The following CPEB1 variants were observed in gnomAD, a reference collection of about 807,000 sequenced individuals.
CPEB1 encodes cytoplasmic polyadenylation element binding protein 1.
In CPEB1, 7 loss-of-function variants were observed where a neutral mutation model predicts 65.8. That is an observed-to-expected ratio of 0.11 (90% CI 0.06 to 0.20). The LOEUF (loss-of-function observed/expected upper bound fraction) is 0.20, where lower values mean the gene tolerates loss of function less well. Ranked by LOEUF, CPEB1 falls within the 10% of genes least tolerant of loss-of-function variation. CPEB1 has a pLI of 1.00. For synonymous variants in CPEB1, 262 were observed against 260.0 expected (o/e 1.01, Z -0.08); for missense variants, 551 against 712.2 (o/e 0.77, Z 2.58).
At chr15:82,580,399 A>C (rs2041164179) in intron 3 of CPEB1, among the ~76,000 whole-genome samples, 1 of 152,146 alleles carries the variant, frequency 6.6e-6, no homozygotes, top group African/African-American at 2.4e-5. Context: ...TAAATATTTT[A>C]AAATAGATAA....
At chr15:82,636,236 C>G (rs947094709) in intron 1 of CPEB1, among the ~76,000 whole-genome samples, 1 of 152,172 alleles carries the variant, frequency 6.6e-6, no homozygotes, top group African/African-American at 2.4e-5. Context: ...TGTTCATCCT[C>G]TCAATCCACA....
At chr15:82,579,620 C>T (rs2041031706) in intron 3 of CPEB1, among the ~76,000 whole-genome samples, 1 of 151,980 alleles carries the variant, frequency 6.6e-6, no homozygotes, top group South Asian at 2.1e-4. Flanking sequence ...CAACAAAAGA[C>T]TCTCAAGCAC....
chr15:82,622,062 C>T (rs1456500566), intron 3 of CPEB1, among the ~76,000 whole-genome samples: 1 of 152,230 alleles, frequency 6.6e-6, no homozygotes, highest in East Asian at 1.9e-4. Context: ...AACAACTCAA[C>T]ACATTAATGC....
At chr15:82,554,121 T>A in intron 6 of CPEB1, 130 bp from the exon 7 acceptor site, 1 of 563,162 alleles carries the variant, frequency 1.8e-6, no homozygotes, top group Non-Finnish European at 3.1e-6. Flanking sequence ...TGAGAGAATA[T>A]CCATGATTAT....
At chr15:82,625,443 T>C (rs183823336) in intron 3 of CPEB1, among the ~76,000 whole-genome samples, 1 of 152,294 alleles carries the variant, frequency 6.6e-6, no homozygotes, top group African/African-American at 2.4e-5. Flanking sequence ...GTGGGAATTA[T>C]TTCTAACGCC....
At position 82,544,530 on chromosome 15, in the gene CPEB1, C is replaced by G; in HGVS notation, c.*62G>C. 7.8e-7 allele frequency: 1 copy of G among 1,285,562 alleles called. No individual in the cohort carries two copies. The highest frequency in any genetic ancestry group is 1.1e-6 in the Non-Finnish European group (1 of 901,414). 79.6% of individuals were successfully genotyped at this position (1,285,562 alleles called of 1,614,324 possible). A position where few individuals can be genotyped will look rare whatever the true frequency, so the allele number is the denominator to read the frequency against. On this transcript the variant is annotated 3_prime_UTR_variant, in exon 13 of 13. Coordinates refer to ENST00000684509, the MANE Select transcript of CPEB1 (RefSeq NM_001365242.1). ...CCTGGTCGCCAGTGGCAGGGTGGTG[C>G]AGGCTGCTTGCCTGACCTGCCAGCT...
chr15:82,589,113 C>T (rs1392677802), intron 3 of CPEB1, among the ~76,000 whole-genome samples: 6 of 152,220 alleles, frequency 3.9e-5, no homozygotes, highest in Admixed American at 6.5e-5. Context: ...AGCCAACACA[C>T]TTCTCACCTG....
intron 4 of CPEB1, among the ~76,000 whole-genome samples, chr15:82,561,348 C>G (rs1360587026): frequency 1.3e-5 from 2 of 152,104 alleles, no homozygotes; most frequent in Non-Finnish European, 2.9e-5. Flanking sequence ...TCAGCTAAAG[C>G]AGAAAATGGG....
chr15:82,556,127 G>C lies in CPEB1; in HGVS notation c.688-5C>G. ...TGGAGAAATGCGAAGGCTTGACTAG[G>C]GGAGGAAAAAGGAAGACAGGGTTTT... is the stretch of plus-strand genomic sequence containing the variant. On this transcript the variant is annotated splice_polypyrimidine_tract_variant and splice_region_variant and intron_variant, in intron 5 of 12. Coordinates refer to ENST00000684509, the MANE Select transcript of CPEB1 (RefSeq NM_001365242.1). 1 of 1,588,816 alleles carries C rather than the reference G, an allele frequency of 6.3e-7. No homozygotes were observed. Among genetic ancestry groups the C allele is most frequent in the Non-Finnish European group, 8.5e-7 (1 of 1,172,306 alleles).
intron 3 of CPEB1, among the ~76,000 whole-genome samples, chr15:82,591,585 G>A (rs986917831): frequency 3.3e-5 from 5 of 151,914 alleles, no homozygotes; most frequent in African/African-American, 1.2e-4. Context: ...TCTCTCCAAT[G>A]ATCAGTTATA....
At chr15:82,602,823 C>T (rs527550908) in intron 3 of CPEB1, among the ~76,000 whole-genome samples, 2 of 152,064 alleles carry the variant, frequency 1.3e-5, no homozygotes, top group East Asian at 1.9e-4. Context: ...CCAGCCTGGG[C>T]GACAGAGCAA....
At chr15:82,598,127 C>T (rs2042803573) in intron 3 of CPEB1, among the ~76,000 whole-genome samples, 2 of 152,190 alleles carry the variant, frequency 1.3e-5, no homozygotes, top group South Asian at 2.1e-4. Context: ...TGAGAGCAGG[C>T]TAGCATAAAC....
rs202176251 is a variant in CPEB1 at position 82,552,462 on chromosome 15, G to A, written c.1281+18C>T. ...ATTCCAAGACCCTCGATCCAGAAAG[G>A]ACATCACGCTAACTCACCTCCTTGC... On this transcript the variant is annotated intron_variant, in intron 9 of 12. Transcript: ENST00000684509. 1.2e-5 allele frequency: 18 copies of A among 1,537,306 alleles called. No individual in the cohort carries two copies. The East Asian group carries it at 2.6e-4, about 22-fold the overall frequency.
chr15:82,643,944 CA>C (rs2151392946), intron 1 of CPEB1, among the ~76,000 whole-genome samples: 1 of 152,282 alleles, frequency 6.6e-6, no homozygotes, highest in African/African-American at 2.4e-5. Context: ...GGTCTTAAAA[CA>C]ATTATATAAT....
At chr15:82,616,320 G>A (rs2044703270) in intron 3 of CPEB1, among the ~76,000 whole-genome samples, 1 of 151,908 alleles carries the variant, frequency 6.6e-6, no homozygotes, top group Non-Finnish European at 1.5e-5. Context: ...CGATGTTTAT[G>A]GACATACACA....
chr15:82,633,726 G>A (rs1033223946), intron 1 of CPEB1, among the ~76,000 whole-genome samples: 2 of 152,134 alleles, frequency 1.3e-5, no homozygotes, highest in African/African-American at 4.8e-5. Flanking sequence ...CAATAGATAA[G>A]AGCTGACACT....
intron 3 of CPEB1, among the ~76,000 whole-genome samples, chr15:82,587,265 C>T (rs1490992876): frequency 6.6e-6 from 1 of 152,122 alleles, no homozygotes; most frequent in African/African-American, 2.4e-5. Context: ...GTATCTCCAT[C>T]GAGAATTTAA....
At chr15:82,588,347 C>T (rs1283289889) in intron 3 of CPEB1, among the ~76,000 whole-genome samples, 1 of 152,120 alleles carries the variant, frequency 6.6e-6, no homozygotes, top group East Asian at 1.9e-4. Context: ...ATTATCTCCA[C>T]CTAATTCCCT....
chr15:82,583,208 A>G (rs897555710), intron 3 of CPEB1, among the ~76,000 whole-genome samples: 14 of 152,222 alleles, frequency 9.2e-5, no homozygotes, highest in African/African-American at 3.1e-4. Flanking sequence ...ATTCAAGGCT[A>G]GCATCATCCA....
Sources: gnomAD v4.1 joint callset for allele counts (sites outside exome capture counted in the v4.1 genomes callset) on GRCh38, gnomAD v4.1.1 for gene constraint, MANE v1.5 for transcripts, NCBI Gene and HGNC (gene_info 2026-07-23, HGNC 2026-07-21) for gene names.